The following CCSER1 variants were observed in gnomAD, a reference collection of about 807,000 sequenced individuals.
CCSER1 encodes coiled-coil serine rich protein 1.
In CCSER1, 41 loss-of-function variants were observed where a neutral mutation model predicts 82.0. That is an observed-to-expected ratio of 0.50 (90% CI 0.39 to 0.65). The LOEUF (loss-of-function observed/expected upper bound fraction) is 0.65, where lower values mean the gene tolerates loss of function less well. Ranked by LOEUF, CCSER1 falls within the 30% of genes least tolerant of loss-of-function variation. The pLI is 0.00. For synonymous variants in CCSER1, 414 were observed against 383.9 expected, an observed-to-expected ratio of 1.08 and a Z score of -0.92; for missense variants, 1,119 against 1,064.2, an observed-to-expected ratio of 1.05 and a Z score of -0.72.
intron 7 of CCSER1, among the ~76,000 whole-genome samples, chr4:90,805,915 C>A (rs1046251058): frequency 2.0e-5 from 3 of 152,044 alleles, no homozygotes; most frequent in African/African-American, 7.2e-5. Flanking sequence ...AATAGATCAT[C>A]CTTAAAAATA....
intron 3 of CCSER1, among the ~76,000 whole-genome samples, chr4:90,328,848 G>T (rs981502941): frequency 3.9e-5 from 6 of 152,128 alleles, no homozygotes; most frequent in African/African-American, 9.7e-5. Flanking sequence ...TTGGGGAGGG[G>T]TGGGAAGTTT....
At chr4:90,622,003 G>A (rs1186066680) in intron 5 of CCSER1, among the ~76,000 whole-genome samples, 2 of 152,188 alleles carry the variant, frequency 1.3e-5, no homozygotes, top group African/African-American at 4.8e-5. Flanking sequence ...GCACCTGGAA[G>A]TTCATCTGGC....
At chr4:90,460,408 C>A (rs1762748885) in intron 4 of CCSER1, among the ~76,000 whole-genome samples, 1 of 149,792 alleles carries the variant, frequency 6.7e-6, no homozygotes, top group South Asian at 2.1e-4. Flanking sequence ...TTATAATAGA[C>A]CTGATATATT....
intron 8 of CCSER1, among the ~76,000 whole-genome samples, chr4:90,837,152 C>T (rs1761904135): frequency 6.6e-6 from 1 of 151,962 alleles, no homozygotes; most frequent in Non-Finnish European, 1.5e-5. Flanking sequence ...TTCAGTTAAC[C>T]ATAAAAATGA....
intron 5 of CCSER1, among the ~76,000 whole-genome samples, chr4:90,479,387 G>C (rs143661025): frequency 1.3e-5 from 2 of 151,420 alleles, no homozygotes. Flanking sequence ...TTTCTTTTTC[G>C]TCTTTTTATA....
intron 3 of CCSER1, among the ~76,000 whole-genome samples, chr4:90,381,378 A>G (rs888095930): frequency 3.3e-5 from 5 of 152,236 alleles, no homozygotes; most frequent in Non-Finnish European, 7.3e-5. Context: ...TTTTGGAACT[A>G]ATGGTATATT....
chr4:91,265,367 G>T (rs1372449659), intron 10 of CCSER1, among the ~76,000 whole-genome samples: 3 of 152,064 alleles, frequency 2.0e-5, no homozygotes, highest in South Asian at 4.2e-4. Context: ...AGTGAATTAG[G>T]TTAATTTTCT....
intron 1 of CCSER1, among the ~76,000 whole-genome samples, chr4:90,192,684 A>T (rs776398194): frequency 3.3e-5 from 5 of 152,108 alleles, no homozygotes; most frequent in Admixed American, 1.3e-4. Context: ...AAGATTATTT[A>T]TATTGCCAGT....
Position 90,184,795 on chromosome 4 carries a change from T to C in CCSER1, c.-42+56964T>C, listed in dbSNP as rs558872163. On this transcript the variant is annotated intron_variant, in intron 1 of 10. Transcript: ENST00000509176. ...GTGGTGATGATCTTAGTGGAGACAA[T>C]GTGAGGGCAGAGAGGGGAGAACAGG... 6.2e-3 allele frequency among the ~76,000 whole-genome samples: 940 copies of C among 151,752 alleles called. 4 individuals are homozygous for C. The highest frequency in any genetic ancestry group is 9.6e-3 in the Non-Finnish European group (655 of 67,934).
intron 1 of CCSER1, among the ~76,000 whole-genome samples, chr4:90,135,404 T>G (rs1355479637): frequency 6.6e-6 from 1 of 152,068 alleles, no homozygotes; most frequent in Admixed American, 6.6e-5. Flanking sequence ...AAAAAAAGAC[T>G]GGGATCCTGC....
intron 8 of CCSER1, among the ~76,000 whole-genome samples, chr4:90,893,934 A>G (rs947810771): frequency 2.0e-5 from 3 of 152,146 alleles, no homozygotes; most frequent in South Asian, 2.1e-4. Context: ...ATTGTTTTAC[A>G]TACACTGACT....
chr4:90,706,907 A>G (rs938504727), intron 6 of CCSER1, among the ~76,000 whole-genome samples: 2 of 152,184 alleles, frequency 1.3e-5, no homozygotes, highest in African/African-American at 2.4e-5. Flanking sequence ...TCCAAGTAGC[A>G]TAAGCTCAAT....
intron 10 of CCSER1, among the ~76,000 whole-genome samples, chr4:91,177,015 G>GT (rs1224450178): frequency 1.3e-5 from 2 of 152,156 alleles, no homozygotes; most frequent in Non-Finnish European, 2.9e-5. Flanking sequence ...TTTATTGAGA[G>GT]TTTTTAGCAT....
At chr4:91,491,034 AATT>A (rs570716639) in intron 10 of CCSER1, among the ~76,000 whole-genome samples, 325 of 149,102 alleles carry the variant, frequency 2.2e-3, no homozygotes, top group African/African-American at 7.5e-3. Flanking sequence ...ATCTAATTTA[AATT>A]ATTATTCACG....
At chr4:91,567,493 C>T (rs1365400952) in intron 10 of CCSER1, among the ~76,000 whole-genome samples, 1 of 152,042 alleles carries the variant, frequency 6.6e-6, no homozygotes, top group Non-Finnish European at 1.5e-5. Flanking sequence ...AAGTCTCCCA[C>T]TATTATTGTG....
chr4:90,969,392 T>C (rs891917604), intron 9 of CCSER1, among the ~76,000 whole-genome samples: 3 of 151,832 alleles, frequency 2.0e-5, no homozygotes, highest in Non-Finnish European at 4.4e-5. Flanking sequence ...AGAAAGAATT[T>C]TGAAAATAGC....
rs79583351 is a variant in CCSER1 at position 91,384,296 on chromosome 4, A to G, written c.2218-214276A>G. ...GTTGACAAAAATGTATTGCAGATAA[A>G]TAAGTTTACATTTTAGAAAACTGTT... On this transcript the variant is annotated intron_variant, in intron 10 of 10. Transcript: ENST00000509176. 1.3e-3 allele frequency among the ~76,000 whole-genome samples: 197 copies of G among 152,260 alleles called. 1 individual carries two copies. Among genetic ancestry groups the G allele is most frequent in the Admixed American group, 9.7e-3 (148 of 15,266 alleles).
chr4:91,543,089 T>G (rs1168150641), intron 10 of CCSER1, among the ~76,000 whole-genome samples: 3 of 152,182 alleles, frequency 2.0e-5, no homozygotes. Flanking sequence ...CTTTGTTGGT[T>G]TAAAGTCCAT....
intron 9 of CCSER1, among the ~76,000 whole-genome samples, chr4:90,987,398 G>T (rs2150437544): frequency 6.6e-6 from 1 of 151,502 alleles, no homozygotes; most frequent in Non-Finnish European, 1.5e-5. Flanking sequence ...TTTGCCTAGT[G>T]ACTCTTTTGT....
Sources: allele counts gnomAD v4.1 joint callset (sites outside exome capture counted in the v4.1 genomes callset), GRCh38; gene constraint gnomAD v4.1.1; transcripts MANE v1.5; gene names NCBI Gene and HGNC (gene_info 2026-07-23, HGNC 2026-07-21).